The following MACROD2 variants were observed in gnomAD, a reference collection of about 807,000 sequenced individuals.
The protein encoded by MACROD2 is ADP-ribose glycohydrolase MACROD2.
A neutral mutation model predicts 70.4 loss-of-function variants in MACROD2; 36 were observed. The ratio of observed to expected loss-of-function variants is 0.51; its 90% CI spans 0.39 to 0.68. The LOEUF (loss-of-function observed/expected upper bound fraction) is 0.68, where lower values mean the gene tolerates loss of function less well. Among genes scored for constraint, MACROD2 ranks in the 30% least tolerant of loss-of-function variants. The pLI is 0.00. For missense variants in MACROD2, 496 were observed against 538.4 expected (o/e 0.92, Z 0.78); for synonymous variants, 172 against 178.8 (o/e 0.96, Z 0.30).
At chr20:15,611,521 T>TAA (rs1303726550) in intron 8 of MACROD2, among the ~76,000 whole-genome samples, 9 of 152,104 alleles carry the variant, frequency 5.9e-5, no homozygotes, top group Admixed American at 5.9e-4. Flanking sequence ...AGTCTATTCT[T>TAA]CTACTTCCAG....
intron 3 of MACROD2, among the ~76,000 whole-genome samples, chr20:14,419,253 C>T (rs929606682): frequency 4.6e-5 from 7 of 152,154 alleles, no homozygotes; most frequent in East Asian, 3.9e-4. Flanking sequence ...GGGGTTTCTC[C>T]GTGTTGGTTA....
At chr20:14,045,875 A>T (rs954485774) in intron 2 of MACROD2, among the ~76,000 whole-genome samples, 2 of 152,236 alleles carry the variant, frequency 1.3e-5, no homozygotes, top group Non-Finnish European at 2.9e-5. Context: ...AGATATAATA[A>T]TGACCTTGAA....
chr20:14,657,973 TAA>T (rs71753036), intron 4 of MACROD2, among the ~76,000 whole-genome samples: 6,558 of 134,746 alleles, frequency 0.049, 457 homozygotes, highest in African/African-American at 0.16. Context: ...TGGACATAGT[TAA>T]AAAAAAAAAA....
intron 8 of MACROD2, among the ~76,000 whole-genome samples, chr20:15,541,900 G>A (rs1487934530): frequency 1.3e-5 from 2 of 152,186 alleles, no homozygotes; most frequent in African/African-American, 2.4e-5. Context: ...CACCACATGG[G>A]AATGTTATGG....
intron 5 of MACROD2, among the ~76,000 whole-genome samples, chr20:15,142,151 C>A (rs1252799241): frequency 6.6e-6 from 1 of 152,176 alleles, no homozygotes; most frequent in Non-Finnish European, 1.5e-5. Flanking sequence ...GAAGACATGT[C>A]TTTTTATTCT....
intron 8 of MACROD2, among the ~76,000 whole-genome samples, chr20:15,616,534 C>G (rs779279798): frequency 1.3e-5 from 2 of 152,104 alleles, no homozygotes; most frequent in Non-Finnish European, 1.5e-5. Context: ...CCTAAGAACC[C>G]TGTTTTTCAC....
At chr20:14,952,545 A>G (rs1225288825) in intron 5 of MACROD2, among the ~76,000 whole-genome samples, 2 of 152,158 alleles carry the variant, frequency 1.3e-5, no homozygotes, top group Non-Finnish European at 2.9e-5. Flanking sequence ...TACTAATCCC[A>G]GTACTGCCTT....
At chr20:15,019,007 C>A (rs2075143371) in intron 5 of MACROD2, among the ~76,000 whole-genome samples, 2 of 152,158 alleles carry the variant, frequency 1.3e-5, no homozygotes, top group South Asian at 4.1e-4. Context: ...CCAAATTTAA[C>A]CTTTTTTCTT....
At chr20:14,278,216 A>G (rs1256446906) in intron 3 of MACROD2, among the ~76,000 whole-genome samples, 2 of 152,214 alleles carry the variant, frequency 1.3e-5, no homozygotes, top group East Asian at 1.9e-4. Flanking sequence ...ATGTTCAGCA[A>G]TTTCCAAAAA....
rs571050498 is a variant in MACROD2 at position 15,232,873 on chromosome 20, A to G, written c.540+2812A>G. ...TATATATTCTTATTCTTATTTTACC[A>G]AAAGAATAGATTCTTCAAATATTTT... On this transcript the variant is annotated intron_variant, in intron 6 of 17. Transcript: ENST00000684519. Among the ~76,000 whole-genome samples the G allele has an allele frequency of 4.6e-5, 7 of 152,258 alleles. No individual in the cohort carries two copies. In the East Asian group the frequency reaches 1.3e-3, roughly 29 times the overall value.
At chr20:15,622,350 G>A (rs764315009) in intron 8 of MACROD2, among the ~76,000 whole-genome samples, 2 of 152,178 alleles carry the variant, frequency 1.3e-5, no homozygotes, top group Admixed American at 6.5e-5. Context: ...CCCCTTATTT[G>A]TGGTTTTTCT....
intron 5 of MACROD2, among the ~76,000 whole-genome samples, chr20:15,065,812 A>ATAAGAGAT (rs1402973796): frequency 6.6e-6 from 1 of 152,228 alleles, no homozygotes; most frequent in African/African-American, 2.4e-5. Context: ...ATATTATAAA[A>ATAAGAGAT]TAAGAGATGT....
chr20:15,569,860 T>TAC (rs1261915524), intron 8 of MACROD2, among the ~76,000 whole-genome samples: 1 of 152,144 alleles, frequency 6.6e-6, no homozygotes, highest in Non-Finnish European at 1.5e-5. Flanking sequence ...TGTATATATA[T>TAC]ACCACATTTT....
intron 3 of MACROD2, among the ~76,000 whole-genome samples, chr20:14,233,823 C>A (rs2081844167): frequency 6.6e-6 from 1 of 151,530 alleles, no homozygotes; most frequent in South Asian, 2.1e-4. Flanking sequence ...TTATATACTG[C>A]CTGATGCCAA....
In MACROD2 at chr20:15,978,585, T is replaced by TCTC. The variant is rs1439341032; in HGVS notation, c.986-8141_986-8139dup. Reference sequence around the variant, plus strand: ...AAACTTACTCGCCTGACCTTGGGTCTCTCTCTCTCTCTCTCTCTCTCTCTC... The same window carrying TCTC: ...AAACTTACTCGCCTGACCTTGGGTCTCTCCTCTCTCTCTCTCTCTCTCTCTCTC... On this transcript the variant is annotated intron_variant, in intron 13 of 17. Coordinates refer to ENST00000684519, the MANE Select transcript of MACROD2 (RefSeq NM_001351661.2). 6.2e-5 allele frequency among the ~76,000 whole-genome samples: 4 copies of TCTC among 64,750 alleles called. No individual in the cohort carries two copies. In the South Asian group the frequency reaches 9.1e-4, roughly 15 times the overall value. 42.5% of individuals were successfully genotyped at this position (64,750 alleles called of 152,430 possible).
At chr20:14,149,718 G>A (rs1046822942) in intron 3 of MACROD2, among the ~76,000 whole-genome samples, 5 of 152,092 alleles carry the variant, frequency 3.3e-5, no homozygotes, top group African/African-American at 4.8e-5. Context: ...TGGTTTTGAT[G>A]TGCATTTCTC....
At chr20:14,642,031 AG>A in intron 4 of MACROD2, among the ~76,000 whole-genome samples, 1 of 152,344 alleles carries the variant, frequency 6.6e-6, no homozygotes, top group South Asian at 2.1e-4. Flanking sequence ...TGTTTTGTCT[AG>A]ATTGAAAATC....
intron 5 of MACROD2, among the ~76,000 whole-genome samples, chr20:15,180,117 C>T (rs1486358412): frequency 6.6e-6 from 1 of 152,140 alleles, no homozygotes; most frequent in Non-Finnish European, 1.5e-5. Flanking sequence ...TTCATCCACC[C>T]TAATAGCCTC....
chr20:14,473,054 AATT>A (rs1321865567), intron 3 of MACROD2, among the ~76,000 whole-genome samples: 1 of 152,134 alleles, frequency 6.6e-6, no homozygotes, highest in African/African-American at 2.4e-5. Flanking sequence ...GACACATAGT[AATT>A]ATACATATTT....
Sources: gnomAD v4.1 joint callset for allele counts (sites outside exome capture counted in the v4.1 genomes callset) on GRCh38, gnomAD v4.1.1 for gene constraint, MANE v1.5 for transcripts, NCBI Gene and HGNC (gene_info 2026-07-23, HGNC 2026-07-21) for gene names.